The following GRIP1 variants were observed in gnomAD, a reference collection of about 807,000 sequenced individuals.
GRIP1 encodes the protein glutamate receptor-interacting protein 1.
GRIP1 carries 45 observed loss-of-function variants against 129.9 expected under a neutral mutation model. The ratio of observed to expected loss-of-function variants is 0.35; its 90% confidence interval spans 0.27 to 0.44. The LOEUF is 0.44. Ranked by LOEUF, GRIP1 falls within the 20% of genes least tolerant of loss-of-function variation. GRIP1 has a pLI of 1.00. For synonymous variants in GRIP1, 530 were observed against 520.8 expected (o/e 1.02, Z -0.24); for missense variants, 1,196 against 1,396.8 (o/e 0.86, Z 2.29).
chr12:66,434,028 G>C (rs529951539), intron 13 of GRIP1, among the ~76,000 whole-genome samples: 1 of 152,172 alleles, frequency 6.6e-6, no homozygotes, highest in Non-Finnish European at 1.5e-5. Context: ...TCCCTTCTTT[G>C]TTTGGCCTTG....
intron 1 of GRIP1, among the ~76,000 whole-genome samples, chr12:67,066,547 C>A (rs2043629349): frequency 6.6e-6 from 1 of 152,074 alleles, no homozygotes; most frequent in Admixed American, 6.5e-5. Flanking sequence ...CACAACCAAC[C>A]TTAGAATTTA....
intron 1 of GRIP1, among the ~76,000 whole-genome samples, chr12:66,745,063 T>C (rs901729028): frequency 6.6e-6 from 1 of 152,060 alleles, no homozygotes; most frequent in South Asian, 2.1e-4. Flanking sequence ...ACTGAAAGGA[T>C]TGCTTCATCA....
intron 24 of GRIP1, among the ~76,000 whole-genome samples, chr12:66,351,736 G>A (rs1319475246): frequency 1.3e-5 from 2 of 152,122 alleles, no homozygotes; most frequent in African/African-American, 4.8e-5. Context: ...AGGAGGTTGG[G>A]TGGTGTCTGG....
At chr12:66,639,046 C>T (rs1006504915) in intron 1 of GRIP1, among the ~76,000 whole-genome samples, 1 of 150,624 alleles carries the variant, frequency 6.6e-6, no homozygotes, top group African/African-American at 2.4e-5. Flanking sequence ...TGTAGTCAAT[C>T]CTGGCATATA....
At chr12:66,349,334 T>C (rs1045163963) in intron 24 of GRIP1, 88 bp from the exon 25 acceptor site, 11 of 1,081,950 alleles carry the variant, frequency 1.0e-5, no homozygotes, top group South Asian at 7.7e-5. Context: ...AACAAGTTGT[T>C]TGAAGTCATG....
At chr12:66,948,676 T>C (rs1392729743) in intron 1 of GRIP1, among the ~76,000 whole-genome samples, 2 of 152,108 alleles carry the variant, frequency 1.3e-5, no homozygotes, top group Non-Finnish European at 2.9e-5. Context: ...TAACTTTACC[T>C]GGTAAAATGA....
chr12:66,588,303 G>C lies in GRIP1; in HGVS notation c.136+8544C>G, dbSNP rs556758077. Among the ~76,000 whole-genome samples the C allele has an allele frequency of 2.6e-5, 4 of 152,056 alleles. No individual in the cohort carries two copies. The South Asian group carries it at 6.2e-4, about 24-fold the overall frequency. Reference sequence around the variant, plus strand: ...GTAGTTCGCCTCCTCGGTTTCTCCTGGTACTCAGTTACTTAGAGAGATAAT... The same window carrying C: ...GTAGTTCGCCTCCTCGGTTTCTCCTCGTACTCAGTTACTTAGAGAGATAAT... On this transcript the variant is annotated intron_variant, in intron 2 of 24. Coordinates refer to ENST00000359742, the MANE Select transcript of GRIP1 (RefSeq NM_001366722.1).
chr12:66,474,503 A>G (rs997143313), intron 7 of GRIP1, among the ~76,000 whole-genome samples: 1 of 152,164 alleles, frequency 6.6e-6, no homozygotes, highest in Non-Finnish European at 1.5e-5. Context: ...CCTTGAGAAG[A>G]GCAACTCCAA....
chr12:66,921,462 C>T (rs2041211632), intron 1 of GRIP1, among the ~76,000 whole-genome samples: 1 of 152,160 alleles, frequency 6.6e-6, no homozygotes, highest in Non-Finnish European at 1.5e-5. Flanking sequence ...TTGTTCTTTA[C>T]TTCTATTAAA....
At chr12:66,434,873 G>C (rs1014316586) in intron 13 of GRIP1, among the ~76,000 whole-genome samples, 7 of 152,250 alleles carry the variant, frequency 4.6e-5, no homozygotes, top group Non-Finnish European at 1.0e-4. Flanking sequence ...TGTATGAGGA[G>C]AGAGCCTGTG....
At chr12:66,829,663 T>C (rs2039482511) in intron 1 of GRIP1, among the ~76,000 whole-genome samples, 1 of 152,218 alleles carries the variant, frequency 6.6e-6, no homozygotes. Context: ...AAAATATCTT[T>C]GTAGTAGATT....
intron 1 of GRIP1, among the ~76,000 whole-genome samples, chr12:66,878,335 C>T (rs559939485): frequency 1.3e-5 from 2 of 152,044 alleles, no homozygotes; most frequent in South Asian, 4.2e-4. Context: ...ACTAGGGGAA[C>T]CGAGAAGGCT....
At chr12:66,636,815 C>A (rs570865687) in intron 1 of GRIP1, among the ~76,000 whole-genome samples, 15 of 151,692 alleles carry the variant, frequency 9.9e-5, no homozygotes, top group Non-Finnish European at 1.9e-4. Context: ...ATCTGCAAAC[C>A]AGGAAAAGGG....
In GRIP1 at chr12:66,539,147, T is replaced by C. The variant is rs1314934966; in HGVS notation, c.349A>G (p.Ile117Val). ...INLAKFRHDE[I>V]ISLLKNVGER... ...CCCACATTCTTCAGCAAGCTGATGA[T>C]CTCGTCATGGCGGAATTTGGCCAGG... Residue 117 changes from isoleucine (I) to valine (V), a missense_variant, in exon 4 of 25, where the codon ATC becomes GTC. This residue lies in a region of GRIP1 where 217 missense variants were observed against 224.8 expected (regional missense o/e 0.97). Coordinates refer to ENST00000359742, the MANE Select transcript of GRIP1 (RefSeq NM_001366722.1). The C allele has an allele frequency of 6.2e-7, 1 of 1,614,074 alleles. No individual in the cohort carries two copies. Among genetic ancestry groups the C allele is most frequent in the Non-Finnish European group, 8.5e-7 (1 of 1,179,972 alleles).
At chr12:66,455,648 A>C in intron 10 of GRIP1, 84 bp from the exon 11 acceptor site, 2 of 1,250,864 alleles carry the variant, frequency 1.6e-6, no homozygotes, top group Non-Finnish European at 2.3e-6. Flanking sequence ...ACAATCCAGA[A>C]AGACACACAT....
chr12:66,949,760 CTTTT>C (rs781123585), intron 1 of GRIP1, among the ~76,000 whole-genome samples: 238 of 85,424 alleles, frequency 2.8e-3, no homozygotes, highest in Non-Finnish European at 4.6e-3. Flanking sequence ...CATGCTCCTC[CTTTT>C]TTTTTTTTTT....
intron 2 of GRIP1, among the ~76,000 whole-genome samples, chr12:66,576,350 G>C (rs2063138789): frequency 6.6e-6 from 1 of 152,224 alleles, no homozygotes; most frequent in African/African-American, 2.4e-5. Flanking sequence ...ATGCTGCAAA[G>C]CTCTGTCCTT....
At chr12:66,730,384 T>C (rs2036394905) in intron 1 of GRIP1, among the ~76,000 whole-genome samples, 1 of 152,158 alleles carries the variant, frequency 6.6e-6, no homozygotes, top group African/African-American at 2.4e-5. Context: ...AATATTTGAA[T>C]TGTGTGTATG....
intron 1 of GRIP1, among the ~76,000 whole-genome samples, chr12:66,860,801 T>C (rs1481714511): frequency 6.6e-6 from 1 of 152,114 alleles, no homozygotes; most frequent in Non-Finnish European, 1.5e-5. Context: ...ATACTCCCTT[T>C]TTTATAAGCA....
Sources: gnomAD v4.1 joint callset for allele counts (sites outside exome capture counted in the v4.1 genomes callset) on GRCh38, gnomAD v4.1.1 for gene constraint, gnomAD v4.1.1 regional missense constraint, MANE v1.5 for transcripts, NCBI Gene and HGNC (gene_info 2026-07-23, HGNC 2026-07-21) for gene names.